Variants in GALNT17 observed in about 807,000 individuals in gnomAD.
GALNT17 encodes the protein UDP-GalNAc:polypeptide N-acetylgalactosaminyltransferase-like 3.
GALNT17 carries 29 observed loss-of-function variants against 63.7 expected under a neutral mutation model. That is an observed-to-expected ratio of 0.46 (90% CI 0.34 to 0.62). The LOEUF (loss-of-function observed/expected upper bound fraction) is 0.62, where lower values mean the gene tolerates loss of function less well. Among genes scored for constraint, GALNT17 ranks in the 20% least tolerant of loss-of-function variants. The pLI is 0.01. For synonymous variants in GALNT17, 305 were observed against 318.3 expected, an observed-to-expected ratio of 0.96 and a Z score of 0.45; for missense variants, 603 against 799.6, an observed-to-expected ratio of 0.75 and a Z score of 2.97.
chr7:71,624,839 C>T (rs1790347842), intron 6 of GALNT17, among the ~76,000 whole-genome samples: 1 of 152,152 alleles, frequency 6.6e-6, no homozygotes, highest in Non-Finnish European at 1.5e-5. Flanking sequence ...TTAACCTTGT[C>T]GCAAATCTCT....
chr7:71,186,657 G>A (rs989531746), intron 1 of GALNT17, among the ~76,000 whole-genome samples: 1 of 152,166 alleles, frequency 6.6e-6, no homozygotes, highest in African/African-American at 2.4e-5. Flanking sequence ...GTGACAGAAA[G>A]GAGGGCCAAC....
chr7:71,315,412 T>C (rs1029890290), intron 1 of GALNT17, among the ~76,000 whole-genome samples: 5 of 152,132 alleles, frequency 3.3e-5, no homozygotes, highest in Non-Finnish European at 5.9e-5. Flanking sequence ...TTGGATCATA[T>C]GGTAATTCCA....
Position 71,296,715 on chromosome 7 carries a change from C to A in GALNT17, c.239-38835C>A, listed in dbSNP as rs116604983. ...GCCTTAAGAACCAAGAAAAAAAAAA[C>A]GTGTTTTTTTTTAGACAGGGTATAT... is the stretch of plus-strand genomic sequence containing the variant. On this transcript the variant is annotated intron_variant, in intron 1 of 10. Transcript: ENST00000333538. 8.6e-4 allele frequency among the ~76,000 whole-genome samples: 126 copies of A among 145,802 alleles called. 1 individual carries two copies. The highest frequency in any genetic ancestry group is 3.1e-3 in the African/African-American group (123 of 40,270).
intron 5 of GALNT17, among the ~76,000 whole-genome samples, chr7:71,493,416 C>CTTTTT (rs1788042148): frequency 6.6e-6 from 1 of 152,172 alleles, no homozygotes; most frequent in South Asian, 2.1e-4. Context: ...CAAAGACATA[C>CTTTTT]TTAAGACTGG....
At chr7:71,356,341 T>A (rs2116207410) in intron 2 of GALNT17, among the ~76,000 whole-genome samples, 1 of 152,246 alleles carries the variant, frequency 6.6e-6, no homozygotes, top group Middle Eastern at 3.4e-3. Context: ...ACAAGTACGG[T>A]GCCTTTGTCT....
chr7:71,320,254 T>C (rs62462178), intron 1 of GALNT17, among the ~76,000 whole-genome samples: 1 of 152,008 alleles, frequency 6.6e-6, no homozygotes, highest in African/African-American at 2.4e-5. Context: ...TTTTTTAAAT[T>C]GAGATAGTGT....
intron 3 of GALNT17, among the ~76,000 whole-genome samples, chr7:71,408,547 G>A (rs572782955): frequency 9.8e-5 from 15 of 152,286 alleles, no homozygotes; most frequent in South Asian, 8.3e-4. Context: ...ATTGCCCCAC[G>A]CAGAGGTGGC....
intron 1 of GALNT17, among the ~76,000 whole-genome samples, chr7:71,261,001 G>A (rs559073498): frequency 9.9e-5 from 15 of 152,098 alleles, no homozygotes; most frequent in Non-Finnish European, 1.9e-4. Flanking sequence ...TCGTCACACC[G>A]GCTCATCCTC....
intron 1 of GALNT17, among the ~76,000 whole-genome samples, chr7:71,314,233 G>T (rs561906515): frequency 9.2e-5 from 14 of 152,036 alleles, no homozygotes; most frequent in Non-Finnish European, 1.6e-4. Flanking sequence ...CCAGAATATT[G>T]AGTGTGTGTG....
chr7:71,204,953 C>T (rs1562913120), intron 1 of GALNT17, among the ~76,000 whole-genome samples: 1 of 151,850 alleles, frequency 6.6e-6, no homozygotes, highest in Non-Finnish European at 1.5e-5. Flanking sequence ...ACCATGTTGG[C>T]CAGCCTGGTC....
chr7:71,388,525 T>C (rs897707746), intron 3 of GALNT17, 124 bp downstream of exon 3: 2 of 1,231,866 alleles, frequency 1.6e-6, no homozygotes, highest in Non-Finnish European at 2.2e-6. Context: ...GGAAGGGATA[T>C]TTTTTCTTTT....
At chr7:71,409,051 C>G (rs375662663) in intron 3 of GALNT17, among the ~76,000 whole-genome samples, 11 of 149,146 alleles carry the variant, frequency 7.4e-5, no homozygotes, top group African/African-American at 2.7e-4. Flanking sequence ...CACACACACA[C>G]ATTTAAATAT....
At chr7:71,420,056 A>G (rs187000320) in intron 4 of GALNT17, among the ~76,000 whole-genome samples, 1 of 152,304 alleles carries the variant, frequency 6.6e-6, no homozygotes, top group Non-Finnish European at 1.5e-5. Context: ...GCATTCTGTT[A>G]TAAGCTGGGA....
chr7:71,397,077 A>C (rs1793151462), intron 3 of GALNT17, among the ~76,000 whole-genome samples: 1 of 152,038 alleles, frequency 6.6e-6, no homozygotes, highest in African/African-American at 2.4e-5. Flanking sequence ...AATTTTACTT[A>C]TTACTTTCCA....
intron 1 of GALNT17, among the ~76,000 whole-genome samples, chr7:71,176,270 C>T (rs2116300651): frequency 6.6e-6 from 1 of 152,158 alleles, no homozygotes; most frequent in African/African-American, 2.4e-5. Flanking sequence ...GTTCATCAAG[C>T]CAGGCACAAG....
intron 5 of GALNT17, among the ~76,000 whole-genome samples, chr7:71,477,643 C>T (rs967204511): frequency 7.2e-5 from 11 of 151,948 alleles, no homozygotes; most frequent in African/African-American, 2.2e-4. Context: ...GAGCTATGAT[C>T]GCATCACTGC....
At chr7:71,663,833 G>T (rs1395689875) in intron 6 of GALNT17, among the ~76,000 whole-genome samples, 1 of 152,146 alleles carries the variant, frequency 6.6e-6, no homozygotes, top group African/African-American at 2.4e-5. Context: ...GAGACTAAAG[G>T]TGGAATGGCT....
At chr7:71,192,568 G>C (rs1183309336) in intron 1 of GALNT17, among the ~76,000 whole-genome samples, 2 of 151,900 alleles carry the variant, frequency 1.3e-5, no homozygotes, top group Non-Finnish European at 2.9e-5. Context: ...GCTAATTTTT[G>C]TATTTTTAAT....
intron 6 of GALNT17, among the ~76,000 whole-genome samples, chr7:71,641,759 A>T (rs1347675871): frequency 6.6e-6 from 1 of 152,154 alleles, no homozygotes; most frequent in Non-Finnish European, 1.5e-5. Flanking sequence ...AATGAAATAA[A>T]ATAATGCACA....
Sources: allele counts gnomAD v4.1 joint callset (sites outside exome capture counted in the v4.1 genomes callset), GRCh38; gene constraint gnomAD v4.1.1; transcripts MANE v1.5; gene names NCBI Gene and HGNC (gene_info 2026-07-23, HGNC 2026-07-21).